ANK2: variants seen among roughly 807,000 people sequenced by gnomAD.
The protein encoded by ANK2 is ankyrin 2.
In ANK2, 83 loss-of-function variants were observed where a neutral mutation model predicts 360.5. That is an observed-to-expected ratio of 0.23 (90% CI 0.19 to 0.28). The LOEUF is 0.28. ANK2 is among the 10% of genes least tolerant of loss of function. The pLI is 1.00. For synonymous variants in ANK2, 1,740 were observed against 1,759.5 expected (o/e 0.99, Z 0.28); for missense variants, 4,201 against 4,795.7 (o/e 0.88, Z 3.66).
In ANK2 at chr4:113,358,216, C is replaced by T. The variant is rs750774547; in HGVS notation, c.9598C>T (p.Leu3200Phe). The change falls in exon 38 of 46, where the codon CTT becomes TTT. Residue 3200 changes from leucine to phenylalanine, a missense_variant. Leu to Phe is a conservative substitution (Grantham distance 22, BLOSUM62 0). Around this residue, in one of 4 missense-constraint regions of ANK2, gnomAD observed 2,642 missense variants for 2,714.5 expected, o/e 0.97. Transcript: ENST00000357077. ...GGAAATACCTGCTTCGGATGCTCAA[C>T]TTAACTCCCAAATGGGGATTTCAGC... ...VEEIPASDAQ[L>F]NSQMGISAST... 3.4e-5 allele frequency: 55 copies of T among 1,613,984 alleles called. No individual in the cohort carries two copies. The Admixed American group carries it at 8.8e-4, about 26-fold the overall frequency.
At chr4:113,034,377 C>T (rs1259733100) in intron 2 of ANK2, 4 of 151,966 alleles carry the variant, frequency 2.6e-5, no homozygotes, top group Non-Finnish European at 5.9e-5. Context: ...TCAAGAAATA[C>T]ACACTGTCTG....
At chr4:112,749,979 C>T in the ANK2 span, among the ~76,000 whole-genome samples, 10 of 152,096 alleles carry the variant, frequency 6.6e-5, no homozygotes, top group African/African-American at 1.9e-4. Flanking sequence ...CTCCTGACCC[C>T]GTGATCCGCC....
Position 112,970,360 on chromosome 4 carries a change from A to G in ANK2, c.21+65846A>G, listed in dbSNP as rs116076271. 1.9e-3 allele frequency among the ~76,000 whole-genome samples: 294 copies of G among 151,820 alleles called. 2 individuals are homozygous for G. The highest frequency in any genetic ancestry group is 6.9e-3 in the African/African-American group (284 of 41,386). ...TTCATTTTAACTAATTAATTAATTA[A>G]TTAATTATTTTAAAGATGTAGTCTC... On this transcript the variant is annotated intron_variant, in intron 2 of 30. Coordinates refer to the ANK2 transcript ENST00000503271.
At chr4:113,348,233 TTC>T in intron 35 of ANK2, 41 bp from the exon 36 acceptor site, 1 of 1,601,300 alleles carries the variant, frequency 6.2e-7, no homozygotes, top group Non-Finnish European at 8.6e-7. Context: ...CTACTCTTCC[TTC>T]TCTCTTTTTT....
At chr4:112,758,189 C>T in the ANK2 span, among the ~76,000 whole-genome samples, 1 of 151,986 alleles carries the variant, frequency 6.6e-6, no homozygotes, top group Admixed American at 6.6e-5. Context: ...CATGAGCCAC[C>T]GCGTCCGGCC....
intron 2 of ANK2, among the ~76,000 whole-genome samples, chr4:113,037,360 A>G (rs1291232771): frequency 6.6e-6 from 1 of 152,012 alleles, no homozygotes; most frequent in African/African-American, 2.4e-5. Flanking sequence ...GTCTCAACTG[A>G]TTAGATTTGT....
chr4:113,139,558 T>C (rs956684101), intron 1 of ANK2, among the ~76,000 whole-genome samples: 1 of 152,154 alleles, frequency 6.6e-6, no homozygotes, highest in Admixed American at 6.5e-5. Context: ...TAAGTAGGAG[T>C]GCACAGTGAC....
rs762384095 is a variant in ANK2 at position 113,367,710 on chromosome 4, A to G, written c.11177A>G (p.Asp3726Gly). The G allele has an allele frequency of 6.2e-7, 1 of 1,613,566 alleles. No homozygotes were observed. Among genetic ancestry groups the G allele is most frequent in the Non-Finnish European group, 8.5e-7 (1 of 1,179,850 alleles). The change falls in exon 42 of 46, where the codon GAT (aspartate) becomes GGT (glycine). Residue 3726 changes from aspartate (D) to glycine (G), a missense_variant. Asp to Gly is a moderately conservative substitution (Grantham distance 94). Coordinates refer to ENST00000357077, the MANE Select transcript of ANK2 (RefSeq NM_001148.6). Reference protein sequence around the residue: ...DISVGYSTFQDGVPKTEGDSS... With the variant: ...DISVGYSTFQGGVPKTEGDSS... Reference sequence around the variant, plus strand: ...TCTGTTGGTTATTCCACTTTTCAGGATGGCGTCCCCAAAACTGAGGGGGAC... The same window carrying G: ...TCTGTTGGTTATTCCACTTTTCAGGGTGGCGTCCCCAAAACTGAGGGGGAC...
In ANK2 at chr4:112,844,219, C is replaced by T. The variant is rs544382925; in HGVS notation, c.-40+25955C>T. Reference sequence around the variant, plus strand: ...CTTACATGATTCACCTGACAGCTCCCGACAATGGTGTGAAGAGGGCCTTAG... The same window carrying T: ...CTTACATGATTCACCTGACAGCTCCTGACAATGGTGTGAAGAGGGCCTTAG... On this transcript the variant is annotated intron_variant, in intron 1 of 30. Coordinates refer to the ANK2 transcript ENST00000503271. 1.1e-3 allele frequency among the ~76,000 whole-genome samples: 163 copies of T among 152,256 alleles called. 1 individual carries two copies. Among genetic ancestry groups the T allele is most frequent in the South Asian group, 6.2e-4 (3 of 4,828 alleles).
At chr4:113,019,860 T>C (rs2057598768) in intron 2 of ANK2, among the ~76,000 whole-genome samples, 1 of 145,424 alleles carries the variant, frequency 6.9e-6, no homozygotes, top group Non-Finnish European at 1.5e-5. Flanking sequence ...TTTACATTGG[T>C]TTTTTTTTTT....
intron 1 of ANK2, chr4:112,827,095 T>C: frequency 8.9e-7 from 1 of 1,124,928 alleles, no homozygotes; most frequent in Non-Finnish European, 1.4e-6. Context: ...GGAAAAATTA[T>C]GAAGCCTTCT....
At chr4:112,892,646 A>G (rs1339190929) in intron 1 of ANK2, among the ~76,000 whole-genome samples, 1 of 152,224 alleles carries the variant, frequency 6.6e-6, no homozygotes, top group East Asian at 1.9e-4. Flanking sequence ...TACCAGCTCT[A>G]GACCTTGGAT....
the ANK2 span, among the ~76,000 whole-genome samples, chr4:112,727,844 G>A: frequency 0.011 from 1,721 of 152,276 alleles, 17 homozygotes; most frequent in Middle Eastern, 0.048. Context: ...GCTGGGCGTA[G>A]TGGGGCATGC....
the ANK2 span, chr4:112,788,178 G>A: frequency 6.3e-7 from 1 of 1,585,210 alleles, no homozygotes; most frequent in Non-Finnish European, 8.6e-7. Flanking sequence ...CCACCCCAGT[G>A]ACGGCAGATC....
chr4:113,112,212 A>G (rs2094369718), intron 1 of ANK2, among the ~76,000 whole-genome samples: 1 of 152,208 alleles, frequency 6.6e-6, no homozygotes, highest in Non-Finnish European at 1.5e-5. Flanking sequence ...CTGATTCTGG[A>G]ATAAATTTCT....
At chr4:112,932,288 T>C (rs2093319261) in intron 2 of ANK2, among the ~76,000 whole-genome samples, 5 of 152,052 alleles carry the variant, frequency 3.3e-5, no homozygotes. Flanking sequence ...GGTCAGGAGT[T>C]CGAGACCAGC....
At chr4:113,108,184 TTTG>T (rs2093876719) in intron 1 of ANK2, among the ~76,000 whole-genome samples, 1 of 152,164 alleles carries the variant, frequency 6.6e-6, no homozygotes, top group African/African-American at 2.4e-5. Flanking sequence ...GTCTCACTGG[TTTG>T]TTATCTGTTA....
Position 112,839,389 on chromosome 4 carries a change from A to G in ANK2, c.-40+21125A>G, listed in dbSNP as rs930038042. The stretch of plus-strand genomic sequence containing the variant: ...TTTCAATGAAATCTGCTGATGGAGC[A>G]TACACATATTTTAGTGACAGCCTGG... On this transcript the variant is annotated intron_variant, in intron 1 of 30. Coordinates refer to the ANK2 transcript ENST00000503271. Among the ~76,000 whole-genome samples, 6 of 152,168 alleles carry G rather than the reference A, an allele frequency of 3.9e-5. No individual in the cohort carries two copies. The East Asian group carries it at 1.2e-3, about 29-fold the overall frequency.
intron 1 of ANK2, among the ~76,000 whole-genome samples, chr4:112,851,014 G>A (rs1437629631): frequency 6.6e-6 from 1 of 152,102 alleles, no homozygotes; most frequent in Non-Finnish European, 1.5e-5. Flanking sequence ...ACATTACTAA[G>A]GTTTTATGGG....
Sources: gnomAD v4.1 joint callset for allele counts (sites outside exome capture counted in the v4.1 genomes callset) on GRCh38, gnomAD v4.1.1 for gene constraint, gnomAD v4.1.1 regional missense constraint, MANE v1.5 for transcripts, NCBI Gene and HGNC (gene_info 2026-07-23, HGNC 2026-07-21) for gene names.